NAE1: variants seen among roughly 807,000 people sequenced by gnomAD.
NAE1 encodes NEDD8-activating enzyme E1 regulatory subunit.
A neutral mutation model predicts 88.0 loss-of-function variants in NAE1; 59 were observed. The ratio of observed to expected loss-of-function variants is 0.67; its 90% CI spans 0.54 to 0.83. NAE1 has a LOEUF of 0.83. NAE1 is among the 40% of genes least tolerant of loss of function. NAE1 has a pLI of 0.00. For missense variants in NAE1, 554 were observed against 632.8 expected (o/e 0.88, Z 1.34); for synonymous variants, 186 against 208.9 (o/e 0.89, Z 0.95).
intron 13 of NAE1, 130 bp from the exon 14 acceptor site, chr16:66,810,902 T>C (rs1567489211): frequency 4.0e-6 from 3 of 752,214 alleles, no homozygotes; most frequent in South Asian, 1.7e-5. Flanking sequence ...AATGTGAAAA[T>C]GCCAGGGAAA....
At chr16:66,803,652 G>A (rs902874478) in intron 19 of NAE1, among the ~76,000 whole-genome samples, 6 of 151,224 alleles carry the variant, frequency 4.0e-5, no homozygotes, top group Admixed American at 6.6e-5. Flanking sequence ...GTGCAGTGGC[G>A]TGATCTCGGC....
At chr16:66,816,039 C>A (rs1193268176) in intron 11 of NAE1, among the ~76,000 whole-genome samples, 1 of 152,174 alleles carries the variant, frequency 6.6e-6, no homozygotes, top group South Asian at 2.1e-4. Context: ...ATCTTACGTG[C>A]CTTCCTAACT....
chr16:66,819,979 T>C (rs1183057540), intron 7 of NAE1, among the ~76,000 whole-genome samples: 3 of 152,204 alleles, frequency 2.0e-5, no homozygotes, highest in African/African-American at 7.2e-5. Context: ...CCATTTACTT[T>C]CCACTCAACT....
intron 1 of NAE1, among the ~76,000 whole-genome samples, chr16:66,829,442 T>C (rs1272766432): frequency 6.6e-6 from 1 of 152,176 alleles, no homozygotes; most frequent in African/African-American, 2.4e-5. Context: ...GGCTCAAAGA[T>C]ATGGGGAACT....
intron 16 of NAE1, 75 bp from the exon 17 acceptor site, chr16:66,808,688 T>C (rs578205054): frequency 9.3e-7 from 1 of 1,072,620 alleles, no homozygotes; most frequent in Non-Finnish European, 1.4e-6. Context: ...GAATTTACTA[T>C]ATACTTGAGT....
chr16:66,821,535 G>A lies in NAE1; in HGVS notation c.426C>T (p.Val142=), dbSNP rs750179166. 1.9e-6 allele frequency: 3 copies of A among 1,601,012 alleles called. No individual in the cohort carries two copies. The East Asian group carries it at 6.7e-5, about 36-fold the overall frequency. ...AAAGAGGAATCTGGGAATTCCAGAG[G>A]ACATCTGCTAAGCGTAGTGAAGTGC... ...PESTSLRLAD[V]LWNSQIPLLI... is the part of the protein sequence containing the mutation. Residue 142 remains valine, a synonymous_variant, in exon 7 of 20, where the codon GTC becomes GTT. Coordinates refer to ENST00000290810, the MANE Select transcript of NAE1 (RefSeq NM_003905.4).
intron 4 of NAE1, among the ~76,000 whole-genome samples, chr16:66,824,184 G>A (rs908415269): frequency 6.6e-6 from 1 of 152,106 alleles, no homozygotes; most frequent in African/African-American, 2.4e-5. Context: ...TAGCAGGCAG[G>A]GATATCCTGG....
At chr16:66,811,850 A>G (rs1959814133) in intron 13 of NAE1, among the ~76,000 whole-genome samples, 1 of 152,214 alleles carries the variant, frequency 6.6e-6, no homozygotes, top group Admixed American at 6.5e-5. Flanking sequence ...GGCTAGGACA[A>G]CAAACCAAGA....
chr16:66,815,995 AC>A (rs935538079), intron 11 of NAE1, among the ~76,000 whole-genome samples: 11 of 152,160 alleles, frequency 7.2e-5, no homozygotes, highest in Non-Finnish European at 1.3e-4. Flanking sequence ...ACTCAGCAAC[AC>A]TGCCTTGTTG....
At chr16:66,804,828 G>A (rs1000088829) in intron 19 of NAE1, among the ~76,000 whole-genome samples, 3 of 151,114 alleles carry the variant, frequency 2.0e-5, no homozygotes, top group Admixed American at 1.3e-4. Context: ...TTTTCACCAT[G>A]TGAGAACACA....
chr16:66,812,256 T>TC, intron 13 of NAE1, among the ~76,000 whole-genome samples: 1 of 152,186 alleles, frequency 6.6e-6, no homozygotes, highest in Non-Finnish European at 1.5e-5. Context: ...CTTGTATAAG[T>TC]AACCTTTTCA....
chr16:66,823,224 T>C lies in NAE1; in HGVS notation c.401+3A>G, dbSNP rs1960337389. The C allele has an allele frequency of 3.9e-6, 6 of 1,547,570 alleles. No individual in the cohort carries two copies. Among genetic ancestry groups the C allele is most frequent in the Non-Finnish European group, 4.4e-6 (5 of 1,139,154 alleles). On this transcript the variant is annotated splice_donor_region_variant and intron_variant, in intron 6 of 19. Transcript: ENST00000290810. The stretch of plus-strand genomic sequence containing the variant: ...ATAAAAACATATTAACATAAAAATT[T>C]ACCTTTCAGGAAGCTGAGTTGCAAC...
rs767900990 is a variant in NAE1 at position 66,818,517 on chromosome 16, A to G, written c.621+11T>C. On this transcript the variant is annotated intron_variant, in intron 8 of 19. Transcript: ENST00000290810. ...TCTATCTGTAAATGTAAGGTCACAC[A>G]CACTACCAACCTTTTTTTCCATATG... The G allele has an allele frequency of 5.6e-6, 9 of 1,600,652 alleles. No individual in the cohort carries two copies. The highest frequency in any genetic ancestry group is 1.7e-4 in the Middle Eastern group (1 of 5,994).
At chr16:66,825,003 G>A in intron 3 of NAE1, 118 bp from the exon 4 acceptor site, 1 of 645,374 alleles carries the variant, frequency 1.5e-6, no homozygotes, top group Non-Finnish European at 2.4e-6. Context: ...TGTGATTACA[G>A]ACTGTAATGG....
At chr16:66,822,927 C>T (rs1234194293) in intron 6 of NAE1, among the ~76,000 whole-genome samples, 5 of 149,592 alleles carry the variant, frequency 3.3e-5, no homozygotes, top group African/African-American at 4.9e-5. Flanking sequence ...CTCGGCCTCC[C>T]AAAGTGCTGG....
chr16:66,821,322 G>T, intron 7 of NAE1, 128 bp downstream of exon 7: 1 of 1,216,876 alleles, frequency 8.2e-7, no homozygotes, highest in Non-Finnish European at 1.1e-6. Flanking sequence ...TTGCCACTTT[G>T]AATCTGCAAC....
chr16:66,816,971 T>C lies in NAE1; in HGVS notation c.742A>G (p.Arg248Gly). 1 of 1,599,148 alleles carries C rather than the reference T, an allele frequency of 6.3e-7. No individual in the cohort carries two copies. Among genetic ancestry groups the C allele is most frequent in the Non-Finnish European group, 8.5e-7 (1 of 1,176,192 alleles). Residue 248 changes from arginine to glycine, a missense_variant, in exon 10 of 20, where the codon AGA becomes GGA. Physicochemically the swap from Arg to Gly is moderately radical, Grantham distance 125. Coordinates refer to ENST00000290810, the MANE Select transcript of NAE1 (RefSeq NM_003905.4). ...TAATCATATCCCATATTACCTTGTC[T>C]AATCAAATCTCTGAAGTCCTCTTTT... ...KEKEDFRDLI[R>G]QGILKNENGA...
intron 1 of NAE1, among the ~76,000 whole-genome samples, chr16:66,830,590 T>C (rs1001285046): frequency 6.6e-6 from 1 of 152,188 alleles, no homozygotes; most frequent in African/African-American, 2.4e-5. Flanking sequence ...GGCAGCCGCC[T>C]TAGCTACCCG....
chr16:66,806,018 T>TA lies in NAE1; in HGVS notation c.1338dup (p.Asn447Ter), dbSNP rs762960370. ...CCTATATCTTCTTCAACTTGATAGT[T>TA]AGATACTCCTAAAAATAAAAGTTAG... On this transcript the variant is annotated frameshift_variant, in exon 18 of 20. Coordinates refer to ENST00000290810, the MANE Select transcript of NAE1 (RefSeq NM_003905.4). LOFTEE classifies it high-confidence loss of function. 54 of 1,604,078 alleles carry TA rather than the reference T, an allele frequency of 3.4e-5. No individual in the cohort carries two copies. The highest frequency in any genetic ancestry group is 7.6e-6 in the Non-Finnish European group (9 of 1,177,344).
Sources: allele counts gnomAD v4.1 joint callset (sites outside exome capture counted in the v4.1 genomes callset), GRCh38; gene constraint gnomAD v4.1.1; transcripts MANE v1.5; gene names NCBI Gene and HGNC (gene_info 2026-07-23, HGNC 2026-07-21).